The following CRACR2B variants were observed in gnomAD, a reference collection of about 807,000 sequenced individuals.
CRACR2B encodes the protein EF-hand calcium-binding domain-containing protein 4A.
In CRACR2B, 50 loss-of-function variants were observed where a neutral mutation model predicts 46.0. The ratio of observed to expected loss-of-function variants is 1.09; its 90% CI spans 0.87 to 1.38. The LOEUF is 1.38. CRACR2B is among the 40% of genes most tolerant of loss of function. The pLI is 0.00. For synonymous variants in CRACR2B, 277 were observed against 239.6 expected, an observed-to-expected ratio of 1.16 and a Z score of -1.44; for missense variants, 667 against 535.0, an observed-to-expected ratio of 1.25 and a Z score of -2.43.
intron 7 of CRACR2B, 32 bp from the exon 8 acceptor site, chr11:831,192 C>A (rs762326715): frequency 1.2e-6 from 2 of 1,610,936 alleles, no homozygotes; most frequent in East Asian, 4.5e-5. Context: ...AAGGAGCCTT[C>A]CTGCAGCCGG....
Position 828,326 on chromosome 11 carries a change from C to T in CRACR2B, c.-282C>T, listed in dbSNP as rs1590189288. The T allele has an allele frequency of 9.4e-6, 4 of 424,312 alleles. No homozygotes were observed. In the East Asian group the frequency reaches 1.3e-4, roughly 14 times the overall value. 26.3% of individuals were successfully genotyped at this position (424,312 alleles called of 1,614,324 possible). ...CCTCCTCTCCTGAAGTTGGCAGCCCCTCCTGGGTTCCAGCCTCCTGAGATG... is the reference window on the plus strand; with the variant it reads ...CCTCCTCTCCTGAAGTTGGCAGCCCTTCCTGGGTTCCAGCCTCCTGAGATG... On this transcript the variant is annotated 5_prime_UTR_variant, in exon 1 of 9. Transcript: ENST00000525077.
upstream of CRACR2B, chr11:827,562 G>A (rs1164111723): frequency 4.1e-6 from 4 of 984,988 alleles, no homozygotes; most frequent in Non-Finnish European, 4.8e-6. Context: ...GCTGCCGCGC[G>A]GCTTCCGGCT....
intron 2 of CRACR2B, 88 bp downstream of exon 2, chr11:829,051 G>C: frequency 6.6e-7 from 1 of 1,515,468 alleles, no homozygotes; most frequent in East Asian, 2.3e-5. Context: ...GAGGGCTGCC[G>C]GTGCCTCTCG....
intron 3 of CRACR2B, 160 bp from the exon 4 acceptor site, chr11:829,826 G>A: frequency 3.7e-6 from 5 of 1,355,380 alleles, no homozygotes; most frequent in Non-Finnish European, 4.9e-6. Flanking sequence ...CACGCACGCC[G>A]GGCAGGGGCG....
rs1475110777 is a variant in CRACR2B at position 828,717 on chromosome 11, T to C, written c.110T>C (p.Leu37Pro). The change falls in exon 1 of 9, where the codon CTG becomes CCG. Residue 37 changes from leucine to proline, a missense_variant. Leu to Pro is a moderately conservative substitution (Grantham distance 98). Transcript: ENST00000525077. ...RAAILEQAEE[L>P]FLLCDKEAKG... ...GCAATACTGGAGCAGGCTGAGGAGCTGTTTCTGCTGTGTGACAAGGAGGCT... is the reference window on the plus strand; with the variant it reads ...GCAATACTGGAGCAGGCTGAGGAGCCGTTTCTGCTGTGTGACAAGGAGGCT... 2 of 1,613,110 alleles carry C rather than the reference T, an allele frequency of 1.2e-6. No individual in the cohort carries two copies. The highest frequency in any genetic ancestry group is 2.2e-5 in the East Asian group (1 of 44,884).
At chr11:831,321 G>A (rs774442352) in intron 8 of CRACR2B, 26 bp downstream of exon 8, 3 of 1,590,620 alleles carry the variant, frequency 1.9e-6, no homozygotes, top group Admixed American at 1.9e-5. Context: ...GGCCCGAGAG[G>A]GAATGGGCTC....
chr11:828,915 C>A lies in CRACR2B; in HGVS notation c.229C>A (p.Arg77=). ...QLEAVFESLD[R]AHTGFLTARE... The stretch of plus-strand genomic sequence containing the variant: ...GGAGGCTGTGTTTGAAAGTCTGGAC[C>A]GGGCTCACACTGGCTTCCTCACCGC... The change falls in exon 2 of 9, where the codon CGG becomes AGG. Residue 77 remains arginine (R), a synonymous_variant. Transcript: ENST00000525077. The A allele has an allele frequency of 6.2e-7, 1 of 1,608,656 alleles. No homozygotes were observed. The highest frequency in any genetic ancestry group is 1.7e-5 in the Admixed American group (1 of 60,016).
At position 830,136 on chromosome 11, in the gene CRACR2B, A is replaced by C. The variant is rs200112222; in HGVS notation, c.605+4A>C. The C allele has an allele frequency of 1.2e-3, 1,843 of 1,530,152 alleles. 22 individuals carry two copies. In the East Asian group the frequency reaches 0.036, roughly 30 times the overall value. 94.8% of individuals were successfully genotyped at this position (1,530,152 alleles called of 1,614,324 possible). On this transcript the variant is annotated splice_donor_region_variant and intron_variant, in intron 4 of 8. Coordinates refer to ENST00000525077, the MANE Select transcript of CRACR2B (RefSeq NM_001286606.2). ...GCCTGGAGCAGGCGCTGCGGAGGTGAGGGCCGGGGTGGGGTATGGGGGCCA... is the reference window on the plus strand; with the variant it reads ...GCCTGGAGCAGGCGCTGCGGAGGTGCGGGCCGGGGTGGGGTATGGGGGCCA...
At chr11:829,591 C>T (rs1424737907) in intron 3 of CRACR2B, 51 bp downstream of exon 3, 10 of 1,487,330 alleles carry the variant, frequency 6.7e-6, no homozygotes, top group Non-Finnish European at 9.0e-6. Flanking sequence ...GTTTCTCTGC[C>T]TGCATGCTGT....
Position 828,417 on chromosome 11 carries a change from G to A in CRACR2B, c.-191G>A, listed in dbSNP as rs1846071512. Reference sequence around the variant, plus strand: ...ATCAACCACCCCAGTGACACCCCAAGCCTGCAGCATTTTCCACCCCCAGCC... The same window carrying A: ...ATCAACCACCCCAGTGACACCCCAAACCTGCAGCATTTTCCACCCCCAGCC... On this transcript the variant is annotated 5_prime_UTR_variant, in exon 1 of 9. Coordinates refer to ENST00000525077, the MANE Select transcript of CRACR2B (RefSeq NM_001286606.2). 4.7e-6 allele frequency: 3 copies of A among 632,894 alleles called. No individual in the cohort carries two copies. The highest frequency in any genetic ancestry group is 3.7e-5 in the African/African-American group (2 of 53,372). The allele number at this position is 632,894 out of a possible 1,614,324, so 39.2% of individuals were successfully genotyped here. A position where few individuals can be genotyped will look rare whatever the true frequency, so the allele number is the denominator to read the frequency against.
chr11:828,425 C>A lies in CRACR2B; in HGVS notation c.-183C>A. 1.5e-6 allele frequency: 1 copy of A among 669,402 alleles called. No homozygotes were observed. The highest frequency in any genetic ancestry group is 2.4e-6 in the Non-Finnish European group (1 of 415,100). 41.5% of individuals were successfully genotyped at this position (669,402 alleles called of 1,614,324 possible). A position where few individuals can be genotyped will look rare whatever the true frequency, so the allele number is the denominator to read the frequency against. On this transcript the variant is annotated 5_prime_UTR_variant, in exon 1 of 9. Transcript: ENST00000525077. ...CCCCAGTGACACCCCAAGCCTGCAG[C>A]ATTTTCCACCCCCAGCCCCCTGGTC...
In CRACR2B at chr11:828,720, T is replaced by C; in HGVS notation, c.113T>C (p.Phe38Ser). 1 of 1,613,452 alleles carries C rather than the reference T, an allele frequency of 6.2e-7. No individual in the cohort carries two copies. The highest frequency in any genetic ancestry group is 1.7e-5 in the Admixed American group (1 of 59,920). ...AAILEQAEEL[F>S]LLCDKEAKGF... Reference sequence around the variant, plus strand: ...ATACTGGAGCAGGCTGAGGAGCTGTTTCTGCTGTGTGACAAGGAGGCTAAG... The same window carrying C: ...ATACTGGAGCAGGCTGAGGAGCTGTCTCTGCTGTGTGACAAGGAGGCTAAG... Residue 38 changes from phenylalanine (F) to serine (S), a missense_variant, in exon 1 of 9, where the codon TTT becomes TCT. Physicochemically the swap from Phe to Ser is radical, Grantham distance 155. Transcript: ENST00000525077.
At chr11:831,061 C>G (rs1261216479) in intron 7 of CRACR2B, 29 bp downstream of exon 7, 3 of 1,536,528 alleles carry the variant, frequency 2.0e-6, no homozygotes, top group Non-Finnish European at 1.7e-6. Context: ...GGGCGGGCCC[C>G]GGTGCGTGTC....
At chr11:830,578 C>G in intron 5 of CRACR2B, 43 bp from the exon 6 acceptor site, 1 of 1,548,490 alleles carries the variant, frequency 6.5e-7, no homozygotes, top group Admixed American at 2.0e-5. Flanking sequence ...TTTTGCATGG[C>G]CGAGCGGCCG....
rs759037879 is a variant in CRACR2B at position 830,131 on chromosome 11, A to G, written c.604A>G (p.Arg202Gly). 3 of 1,532,404 alleles carry G rather than the reference A, an allele frequency of 2.0e-6. No homozygotes were observed. Among genetic ancestry groups the G allele is most frequent in the Admixed American group, 2.0e-5 (1 of 49,994 alleles). The allele number at this position is 1,532,404 out of a possible 1,614,324, so 94.9% of individuals were successfully genotyped here. Residue 202 changes from arginine (R) to glycine (G), a missense_variant and splice_region_variant, in exon 4 of 9, where the codon AGG (arginine) becomes GGG (glycine). By Grantham distance (125) the Arg-to-Gly change is moderately radical. Transcript: ENST00000525077. ...ERDGLEQALR[R>G]RESEHEREVR... The stretch of plus-strand genomic sequence containing the variant: ...CGACGGCCTGGAGCAGGCGCTGCGG[A>G]GGTGAGGGCCGGGGTGGGGTATGGG...
At chr11:827,601 C>G (rs1360191818), upstream of CRACR2B, 1 of 961,726 alleles carries the variant, frequency 1.0e-6, no homozygotes, top group Non-Finnish European at 1.2e-6. Flanking sequence ...AGCCGGCAAG[C>G]CGGAGGGCGG....
In CRACR2B at chr11:828,845, C is replaced by G; in HGVS notation, c.166-7C>G. The stretch of plus-strand genomic sequence containing the variant: ...GCGGCTCATCTCTGCTCTCCTTCCC[C>G]GACCAGGGTCTCCAGAGCGACCTGC... On this transcript the variant is annotated splice_region_variant and splice_polypyrimidine_tract_variant and intron_variant, in intron 1 of 8. Coordinates refer to ENST00000525077, the MANE Select transcript of CRACR2B (RefSeq NM_001286606.2). 1.2e-6 allele frequency: 2 copies of G among 1,610,978 alleles called. No homozygotes were observed. Among genetic ancestry groups the G allele is most frequent in the Non-Finnish European group, 1.7e-6 (2 of 1,179,506 alleles).
chr11:829,044 G>T, intron 2 of CRACR2B, 81 bp downstream of exon 2: 1 of 1,545,302 alleles, frequency 6.5e-7, no homozygotes, highest in Non-Finnish European at 8.8e-7. Flanking sequence ...GCGCCCTGAG[G>T]GCTGCCGGTG....
At position 830,499 on chromosome 11, in the gene CRACR2B, G is replaced by A. The variant is rs916390084; in HGVS notation, c.694-122G>A. 1.3e-5 allele frequency: 20 copies of A among 1,538,492 alleles called. No homozygotes were observed. In the East Asian group the frequency reaches 2.4e-4, roughly 19 times the overall value. On this transcript the variant is annotated intron_variant, in intron 5 of 8. Transcript: ENST00000525077. ...CCACTGGGCCTCACGTATCACCCCC[G>A]TCCGGTCTTCTCCACCCGACCCCGC...
Sources: allele counts gnomAD v4.1 joint callset, GRCh38; gene constraint gnomAD v4.1.1; transcripts MANE v1.5; gene names NCBI Gene and HGNC (gene_info 2026-07-23, HGNC 2026-07-21).